Variants in GRIK2 observed in about 807,000 individuals in gnomAD.
GRIK2 encodes the protein glutamate ionotropic receptor kainate type subunit 2.
In GRIK2, 32 loss-of-function variants were observed where a neutral mutation model predicts 100.3. The observed-to-expected ratio is 0.32, with a 90% CI of 0.24 to 0.43. GRIK2 has a LOEUF of 0.43. GRIK2 is among the 20% of genes least tolerant of loss of function. The pLI is 1.00. For synonymous variants in GRIK2, 417 were observed against 389.4 expected, an observed-to-expected ratio of 1.07 and a Z score of -0.83; for missense variants, 843 against 1,114.9, an observed-to-expected ratio of 0.76 and a Z score of 3.47.
In GRIK2 at chr6:101,530,366, A is replaced by G. The variant is rs77818879; in HGVS notation, c.116-91583A>G. Among the ~76,000 whole-genome samples, 751 of 152,154 alleles carry G rather than the reference A, an allele frequency of 4.9e-3. 8 individuals are homozygous for G. Among genetic ancestry groups the G allele is most frequent in the East Asian group, 0.042 (219 of 5,178 alleles). ...ACTATGAATCAATTTTATAAAAGAA[A>G]CAAAGTATTTTAAAAGCCATGTCAA... On this transcript the variant is annotated intron_variant, in intron 2 of 16. Coordinates refer to ENST00000369134, the MANE Select transcript of GRIK2 (RefSeq NM_021956.5).
At chr6:101,827,044 A>G (rs1353233070) in intron 10 of GRIK2, among the ~76,000 whole-genome samples, 1 of 151,808 alleles carries the variant, frequency 6.6e-6, no homozygotes, top group Non-Finnish European at 1.5e-5. Flanking sequence ...ATCTTCCCAA[A>G]TCCCAGTAGA....
intron 14 of GRIK2, among the ~76,000 whole-genome samples, chr6:101,951,554 T>C (rs1283822160): frequency 6.6e-6 from 1 of 152,200 alleles, no homozygotes; most frequent in African/African-American, 2.4e-5. Flanking sequence ...TAGACTGATA[T>C]GGTTTAGCTG....
intron 4 of GRIK2, among the ~76,000 whole-genome samples, chr6:101,648,002 G>A (rs1286881390): frequency 6.6e-6 from 1 of 151,988 alleles, no homozygotes; most frequent in Non-Finnish European, 1.5e-5. Context: ...GATGTTAGTA[G>A]TAGTTCTCAT....
chr6:101,535,022 C>A (rs546575843), intron 2 of GRIK2, among the ~76,000 whole-genome samples: 1 of 151,594 alleles, frequency 6.6e-6, no homozygotes, highest in African/African-American at 2.4e-5. Flanking sequence ...ACATCATTAA[C>A]GTATTGCTTA....
intron 10 of GRIK2, among the ~76,000 whole-genome samples, chr6:101,855,418 G>T (rs1182480200): frequency 6.6e-6 from 1 of 152,160 alleles, no homozygotes. Flanking sequence ...TACCTTAGAG[G>T]AAAGAGGTAA....
At chr6:101,548,998 G>A (rs770617204) in intron 2 of GRIK2, among the ~76,000 whole-genome samples, 1 of 152,094 alleles carries the variant, frequency 6.6e-6, no homozygotes, top group African/African-American at 2.4e-5. Context: ...TGGTTATTGA[G>A]TGTATGATGC....
chr6:101,508,031 T>A (rs1774110601), intron 2 of GRIK2, among the ~76,000 whole-genome samples: 1 of 152,116 alleles, frequency 6.6e-6, no homozygotes, highest in Admixed American at 6.6e-5. Flanking sequence ...GTAGGAAATT[T>A]AGACAATTAG....
chr6:101,876,691 C>T (rs1582436681), intron 11 of GRIK2, among the ~76,000 whole-genome samples: 1 of 151,886 alleles, frequency 6.6e-6, no homozygotes, highest in Admixed American at 6.6e-5. Flanking sequence ...TAGTCAATTT[C>T]TATGCTGTTT....
chr6:101,922,095 C>T (rs372080453), intron 12 of GRIK2, among the ~76,000 whole-genome samples: 31 of 17,438 alleles, frequency 1.8e-3, no homozygotes, highest in Middle Eastern at 0.031. Context: ...TTCCTTCCTT[C>T]CTTCCTTCCT....
chr6:101,524,191 A>T (rs1051801781), intron 2 of GRIK2, among the ~76,000 whole-genome samples: 1 of 152,206 alleles, frequency 6.6e-6, no homozygotes, highest in South Asian at 2.1e-4. Context: ...TTGAAGCTTT[A>T]TGTTGAGAAA....
At chr6:101,975,809 G>GTCTATCTATCTGTCTA (rs1554185794) in intron 14 of GRIK2, among the ~76,000 whole-genome samples, 1 of 147,408 alleles carries the variant, frequency 6.8e-6, no homozygotes, top group African/African-American at 2.5e-5. Context: ...CTATCTATCT[G>GTCTATCTATCTGTCTA]TCTATCTATC....
At chr6:101,661,754 G>C (rs150122275) in intron 4 of GRIK2, among the ~76,000 whole-genome samples, 1 of 152,096 alleles carries the variant, frequency 6.6e-6, no homozygotes, top group East Asian at 1.9e-4. Flanking sequence ...TGCACTTCCC[G>C]TGTGAGGCGA....
intron 11 of GRIK2, among the ~76,000 whole-genome samples, chr6:101,883,103 G>GA (rs1297323774): frequency 1.3e-5 from 2 of 151,810 alleles, no homozygotes; most frequent in African/African-American, 4.8e-5. Flanking sequence ...GACCTCAACA[G>GA]AAACAGTGGG....
At chr6:101,428,823 CAG>C (rs1047633438) in intron 2 of GRIK2, among the ~76,000 whole-genome samples, 5 of 152,124 alleles carry the variant, frequency 3.3e-5, no homozygotes, top group African/African-American at 1.2e-4. Context: ...AGGTGGGTGA[CAG>C]GGGGTTAGAC....
At chr6:101,502,498 A>G (rs1197690478) in intron 2 of GRIK2, among the ~76,000 whole-genome samples, 1 of 152,242 alleles carries the variant, frequency 6.6e-6, no homozygotes, top group African/African-American at 2.4e-5. Flanking sequence ...AAAATAAAAA[A>G]TGAAAATAAA....
chr6:101,972,292 G>A (rs1359208603), intron 14 of GRIK2, among the ~76,000 whole-genome samples: 10 of 151,848 alleles, frequency 6.6e-5, no homozygotes, highest in South Asian at 2.1e-4. Context: ...AATAATCACC[G>A]TTCTGACGGG....
At chr6:102,054,365 C>A (rs1771360153) in intron 15 of GRIK2, among the ~76,000 whole-genome samples, 1 of 151,934 alleles carries the variant, frequency 6.6e-6, no homozygotes, top group African/African-American at 2.4e-5. Flanking sequence ...AGCAGGAAAA[C>A]ACTATGGGTG....
At chr6:101,892,040 TC>T in intron 12 of GRIK2, among the ~76,000 whole-genome samples, 1 of 152,214 alleles carries the variant, frequency 6.6e-6, no homozygotes, top group African/African-American at 2.4e-5. Flanking sequence ...CAAAAAGTCT[TC>T]CTTAATGTTT....
intron 2 of GRIK2, among the ~76,000 whole-genome samples, chr6:101,536,664 T>C (rs2749080): frequency 0.34 from 51,904 of 151,480 alleles, 9,941 homozygotes; most frequent in Middle Eastern, 0.45. Context: ...GAAAAAAATG[T>C]GATTTTACTT....
Sources: gnomAD v4.1 joint callset for allele counts (sites outside exome capture counted in the v4.1 genomes callset) on GRCh38, gnomAD v4.1.1 for gene constraint, MANE v1.5 for transcripts, NCBI Gene and HGNC (gene_info 2026-07-23, HGNC 2026-07-21) for gene names.